CDKAL1: variants seen among roughly 807,000 people sequenced by gnomAD.
CDKAL1 encodes CDKAL1 threonylcarbamoyladenosine tRNA methylthiotransferase, also known as threonylcarbamoyladenosine tRNA methylthiotransferase.
Under a neutral mutation model 68.2 loss-of-function variants are expected in CDKAL1, and 32 were observed. The ratio of observed to expected loss-of-function variants is 0.47; its 90% confidence interval spans 0.35 to 0.63. CDKAL1 has a LOEUF of 0.63. Among genes scored for constraint, CDKAL1 ranks in the 30% least tolerant of loss-of-function variants. CDKAL1 has a pLI of 0.00. For missense variants in CDKAL1, 606 were observed against 696.7 expected (o/e 0.87, Z 1.47); for synonymous variants, 234 against 244.3 (o/e 0.96, Z 0.39).
intron 5 of CDKAL1, among the ~76,000 whole-genome samples, chr6:20,687,571 G>T (rs10440832): frequency 6.6e-6 from 1 of 151,842 alleles, no homozygotes; most frequent in South Asian, 2.1e-4. Flanking sequence ...TTGAGGTGGG[G>T]TCTTACTCTG....
At chr6:20,785,240 T>C (rs1775617835) in intron 8 of CDKAL1, among the ~76,000 whole-genome samples, 1 of 152,148 alleles carries the variant, frequency 6.6e-6, no homozygotes, top group Admixed American at 6.5e-5. Context: ...TATCACTTGC[T>C]CTCACATGAA....
At position 20,758,595 on chromosome 6, in the gene CDKAL1, G is replaced by A. The variant is rs1188216906; in HGVS notation, c.469G>A (p.Val157Ile). Residue 157 changes from valine (V) to isoleucine (I), a missense_variant and splice_region_variant, in exon 7 of 16, where the codon GTT (valine) becomes ATT (isoleucine). Val to Ile is a conservative substitution (Grantham distance 29). Coordinates refer to ENST00000274695, the MANE Select transcript of CDKAL1 (RefSeq NM_017774.3). ...DYLKGLSIIG[V>I]QQIDRVVEVV... ...TGTAATCGTTTTTTTTTTTTTCCAG[G>A]TTCAGCAGATAGATCGTGTGGTAGA... The A allele has an allele frequency of 6.3e-7, 1 of 1,595,234 alleles. No homozygotes were observed. Among genetic ancestry groups the A allele is most frequent in the East Asian group, 2.2e-5 (1 of 44,630 alleles).
intron 4 of CDKAL1, among the ~76,000 whole-genome samples, chr6:20,553,866 C>T (rs1561921108): frequency 6.6e-6 from 1 of 152,106 alleles, no homozygotes; most frequent in Non-Finnish European, 1.5e-5. Flanking sequence ...CCCACCTTGG[C>T]CTCCCAAAGC....
intron 9 of CDKAL1, among the ~76,000 whole-genome samples, chr6:20,897,179 A>G (rs1761737442): frequency 6.6e-6 from 1 of 152,146 alleles, no homozygotes; most frequent in South Asian, 2.1e-4. Context: ...TAAGGACACT[A>G]GTCCCATTCC....
intron 8 of CDKAL1, among the ~76,000 whole-genome samples, chr6:20,807,737 A>C (rs769368380): frequency 6.6e-6 from 1 of 152,234 alleles, no homozygotes; most frequent in Non-Finnish European, 1.5e-5. Context: ...ATGTAATATC[A>C]AGCTGCTTTC....
intron 9 of CDKAL1, among the ~76,000 whole-genome samples, chr6:20,851,761 A>G (rs1561831276): frequency 6.6e-6 from 1 of 151,656 alleles, no homozygotes; most frequent in Admixed American, 6.6e-5. Context: ...CAAAGATACT[A>G]TCTAGTATGT....
At chr6:20,761,663 A>G (rs1357017553) in intron 7 of CDKAL1, among the ~76,000 whole-genome samples, 4 of 152,226 alleles carry the variant, frequency 2.6e-5, no homozygotes, top group South Asian at 2.1e-4. Flanking sequence ...AAAGACATCA[A>G]TCTGTAAGGC....
intron 4 of CDKAL1, among the ~76,000 whole-genome samples, chr6:20,634,908 T>C (rs1392918919): frequency 1.4e-5 from 2 of 140,126 alleles, no homozygotes; most frequent in Admixed American, 1.6e-4. Context: ...ACCTGGGAGG[T>C]AGAGGTTGCA....
rs1370991496 is a variant in CDKAL1, at chr6:20,703,372, A to G, written c.372-36147A>G. ...AGAGACTATATGGCTCACAAAATCT[A>G]AAATATTTATTATCTGGCACTTTAC... is the stretch of plus-strand genomic sequence containing the variant. On this transcript the variant is annotated intron_variant, in intron 5 of 15. Coordinates refer to ENST00000274695, the MANE Select transcript of CDKAL1 (RefSeq NM_017774.3). Among the ~76,000 whole-genome samples the G allele has an allele frequency of 5.3e-5, 8 of 152,232 alleles. 1 individual carries two copies. Among genetic ancestry groups the G allele is most frequent in the African/African-American group, 1.7e-4 (7 of 41,458 alleles).
At chr6:20,677,482 G>A (rs1472727111) in intron 5 of CDKAL1, among the ~76,000 whole-genome samples, 5 of 151,556 alleles carry the variant, frequency 3.3e-5, no homozygotes, top group South Asian at 4.2e-4. Flanking sequence ...GCAATGGCAC[G>A]ATCTTGCCTC....
intron 4 of CDKAL1, among the ~76,000 whole-genome samples, chr6:20,632,375 A>G (rs1235497475): frequency 3.3e-5 from 5 of 152,228 alleles, no homozygotes; most frequent in African/African-American, 1.2e-4. Flanking sequence ...AATTTGACAC[A>G]TGGGCTCTAC....
intron 9 of CDKAL1, among the ~76,000 whole-genome samples, chr6:20,912,604 G>C (rs1762515831): frequency 6.6e-6 from 1 of 152,164 alleles, no homozygotes; most frequent in African/African-American, 2.4e-5. Context: ...GGATGCCCAA[G>C]TGTTCAAATA....
At chr6:20,892,362 A>G (rs1000144880) in intron 9 of CDKAL1, among the ~76,000 whole-genome samples, 3 of 152,230 alleles carry the variant, frequency 2.0e-5, no homozygotes, top group Non-Finnish European at 2.9e-5. Context: ...AAACTTGACA[A>G]TTATAAGACA....
chr6:20,940,081 G>A (rs1763899138), intron 9 of CDKAL1, among the ~76,000 whole-genome samples: 1 of 152,148 alleles, frequency 6.6e-6, no homozygotes, highest in Non-Finnish European at 1.5e-5. Flanking sequence ...TGTATAAAAT[G>A]TGTATGTCCA....
At chr6:20,620,886 A>G (rs10214549) in intron 4 of CDKAL1, among the ~76,000 whole-genome samples, 68,253 of 151,776 alleles carry the variant, frequency 0.45, 15,810 homozygotes, top group East Asian at 0.63. Context: ...GTTTGTTACA[A>G]TTAATGAACC....
At chr6:20,972,539 T>C (rs1316500936) in intron 10 of CDKAL1, among the ~76,000 whole-genome samples, 3 of 152,348 alleles carry the variant, frequency 2.0e-5, no homozygotes, top group Admixed American at 2.0e-4. Flanking sequence ...ATAAACAACT[T>C]ATTTTCATTT....
intron 6 of CDKAL1, among the ~76,000 whole-genome samples, chr6:20,745,845 A>T (rs544151818): frequency 2.6e-5 from 4 of 152,356 alleles, no homozygotes; most frequent in Non-Finnish European, 5.9e-5. Context: ...GACAAGTCTG[A>T]TGTGTAAAAT....
At chr6:20,576,098 G>C (rs192682705) in intron 4 of CDKAL1, among the ~76,000 whole-genome samples, 4 of 152,254 alleles carry the variant, frequency 2.6e-5, no homozygotes, top group South Asian at 2.1e-4. Flanking sequence ...ACAGTGTTTT[G>C]AGGATGGAAA....
rs1778677299 is a variant in CDKAL1, at chr6:21,201,233, A to G, written c.1507A>G (p.Ser503Gly). 6.2e-7 allele frequency: 1 copy of G among 1,612,174 alleles called. No individual in the cohort carries two copies. Among genetic ancestry groups the G allele is most frequent in the South Asian group, 1.1e-5 (1 of 90,940 alleles). ...SDAKVYTPSI[S>G]KPLAKGEVSG... ...TGCCAAAGTGTACACGCCCTCCATC[A>G]GCAAACCGCTAGCAAAGGGAGAAGT... The change falls in exon 15 of 16, where the codon AGC becomes GGC. Residue 503 changes from serine (S) to glycine (G), a missense_variant. Transcript: ENST00000274695.
Sources: gnomAD v4.1 joint callset for allele counts (sites outside exome capture counted in the v4.1 genomes callset) on GRCh38, gnomAD v4.1.1 for gene constraint, MANE v1.5 for transcripts, NCBI Gene and HGNC (gene_info 2026-07-23, HGNC 2026-07-21) for gene names.